The following KATNIP variants were observed in gnomAD, a reference collection of about 807,000 sequenced individuals.
KATNIP encodes the protein katanin interacting protein.
In KATNIP, 126 loss-of-function variants were observed where a neutral mutation model predicts 174.0. That is an observed-to-expected ratio of 0.72 (90% CI 0.63 to 0.84). The LOEUF (loss-of-function observed/expected upper bound fraction) is 0.84. Among genes scored for constraint, KATNIP ranks in the 40% least tolerant of loss-of-function variants. KATNIP has a pLI of 0.00. For synonymous variants in KATNIP, 810 were observed against 835.7 expected, an observed-to-expected ratio of 0.97 and a Z score of 0.53; for missense variants, 1,958 against 2,109.7, an observed-to-expected ratio of 0.93 and a Z score of 1.41.
intron 5 of KATNIP, among the ~76,000 whole-genome samples, chr16:27,641,787 A>G (rs1439725093): frequency 6.6e-6 from 1 of 152,190 alleles, no homozygotes; most frequent in East Asian, 1.9e-4. Context: ...TTCCCAGGAG[A>G]TACCAATGCT....
intron 18 of KATNIP, among the ~76,000 whole-genome samples, chr16:27,756,293 T>G (rs866275806): frequency 1.9e-4 from 29 of 152,238 alleles, no homozygotes; most frequent in African/African-American, 6.8e-4. Context: ...TCAATTACTT[T>G]CGAATAGCAG....
At chr16:27,654,223 G>C (rs554335700) in intron 6 of KATNIP, among the ~76,000 whole-genome samples, 2 of 152,108 alleles carry the variant, frequency 1.3e-5, no homozygotes, top group African/African-American at 2.4e-5. Context: ...TGATCTGCCC[G>C]CCTCAGCCTC....
intron 22 of KATNIP, among the ~76,000 whole-genome samples, chr16:27,772,553 G>A (rs1459632873): frequency 6.6e-6 from 1 of 152,244 alleles, no homozygotes; most frequent in Non-Finnish European, 1.5e-5. Flanking sequence ...GACTTCAGCA[G>A]CAATGGTGGT....
In KATNIP at chr16:27,740,041, G is replaced by A. The variant is rs1405422932; in HGVS notation, c.1744G>A (p.Asp582Asn). The change falls in exon 15 of 28, where the codon GAT (aspartate) becomes AAT (asparagine). Residue 582 changes from aspartate to asparagine, a missense_variant and splice_region_variant. By Grantham distance (23) the Asp-to-Asn change is conservative. Around this residue, in one of 3 missense-constraint regions of KATNIP, gnomAD observed 1,557 missense variants for 1,617.8 expected, o/e 0.96. Coordinates refer to ENST00000261588, the MANE Select transcript of KATNIP (RefSeq NM_015202.5). ...ACTTTGTTAAATCTTATGGTTTCAG[G>A]ATCTTGACATTGGTGCCAAGAACGT... ...KVRNYWTADG[D>N]LDIGAKNVKL... 1 of 1,609,078 alleles carries A rather than the reference G, an allele frequency of 6.2e-7. No individual in the cohort carries two copies. Among genetic ancestry groups the A allele is most frequent in the East Asian group, 2.2e-5 (1 of 44,776 alleles).
chr16:27,719,845 A>T (rs1343481291), intron 13 of KATNIP, among the ~76,000 whole-genome samples: 1 of 150,372 alleles, frequency 6.7e-6, no homozygotes, highest in Non-Finnish European at 1.5e-5. Flanking sequence ...AATTTTTAAA[A>T]TTTTTTTGTA....
intron 2 of KATNIP, among the ~76,000 whole-genome samples, chr16:27,598,772 T>C (rs1158004992): frequency 2.0e-5 from 3 of 152,112 alleles, no homozygotes; most frequent in Non-Finnish European, 4.4e-5. Flanking sequence ...GAGATATACA[T>C]GCAGGGGTTT....
At chr16:27,682,787 C>A (rs904066321) in intron 8 of KATNIP, among the ~76,000 whole-genome samples, 1 of 152,048 alleles carries the variant, frequency 6.6e-6, no homozygotes, top group Non-Finnish European at 1.5e-5. Context: ...GAGGTGGGCC[C>A]TTTAAGATGT....
intron 5 of KATNIP, among the ~76,000 whole-genome samples, chr16:27,641,507 G>T (rs773678476): frequency 7.2e-5 from 11 of 152,084 alleles, no homozygotes; most frequent in Non-Finnish European, 1.0e-4. Context: ...GGAGGACTCA[G>T]TGCCATGTGA....
At chr16:27,556,572 A>T (rs536179446) in intron 1 of KATNIP, among the ~76,000 whole-genome samples, 1 of 152,330 alleles carries the variant, frequency 6.6e-6, no homozygotes, top group East Asian at 1.9e-4. Flanking sequence ...TCATTTGCTT[A>T]GCAAACTTTC....
intron 18 of KATNIP, chr16:27,757,393 G>A (rs2081776399): frequency 5.3e-6 from 3 of 568,858 alleles, no homozygotes; most frequent in Non-Finnish European, 6.7e-6. Flanking sequence ...GCACAGGGTG[G>A]TTCTCCAGAG....
intron 2 of KATNIP, among the ~76,000 whole-genome samples, chr16:27,616,071 T>C (rs1332895425): frequency 6.6e-6 from 1 of 152,048 alleles, no homozygotes; most frequent in Non-Finnish European, 1.5e-5. Context: ...GGCAACAAAG[T>C]TAAAAAAAAC....
At chr16:27,649,852 A>C (rs775646253) in intron 6 of KATNIP, among the ~76,000 whole-genome samples, 1 of 152,206 alleles carries the variant, frequency 6.6e-6, no homozygotes, top group Non-Finnish European at 1.5e-5. Flanking sequence ...TCTTTCCAGC[A>C]TGACATTTCA....
At chr16:27,674,534 G>C (rs1358137469) in intron 6 of KATNIP, among the ~76,000 whole-genome samples, 11 of 152,130 alleles carry the variant, frequency 7.2e-5, no homozygotes, top group Non-Finnish European at 1.5e-4. Flanking sequence ...ACTCCTCCCT[G>C]ACCTCTGCTT....
intron 3 of KATNIP, chr16:27,628,442 A>G (rs1567226331): frequency 5.5e-6 from 3 of 542,764 alleles, no homozygotes; most frequent in Admixed American, 3.3e-5. Flanking sequence ...AGCTGCAGAA[A>G]CTTCCCTGTA....
chr16:27,684,671 A>G (rs944570241), intron 8 of KATNIP, among the ~76,000 whole-genome samples: 5 of 152,236 alleles, frequency 3.3e-5, no homozygotes, highest in Non-Finnish European at 7.3e-5. Flanking sequence ...AGGTGTTGGC[A>G]AGGGCCATTT....
chr16:27,666,722 G>A (rs899668574), intron 6 of KATNIP, among the ~76,000 whole-genome samples: 9 of 151,332 alleles, frequency 5.9e-5, no homozygotes, highest in African/African-American at 1.7e-4. Flanking sequence ...TCGGGAATGC[G>A]ATTTTTAAAA....
chr16:27,680,469 A>T (rs1407274583), intron 7 of KATNIP, among the ~76,000 whole-genome samples: 2 of 152,172 alleles, frequency 1.3e-5, no homozygotes, highest in Non-Finnish European at 2.9e-5. Flanking sequence ...AGTTCGAGTG[A>T]TACTGGGGCA....
chr16:27,654,854 G>T, intron 6 of KATNIP: 1 of 943,492 alleles, frequency 1.1e-6, no homozygotes, highest in Non-Finnish European at 1.5e-6. Context: ...CACAGGGCGG[G>T]CACGGTGGCT....
chr16:27,645,353 A>T (rs896646637), intron 5 of KATNIP, among the ~76,000 whole-genome samples: 2 of 152,176 alleles, frequency 1.3e-5, no homozygotes, highest in Non-Finnish European at 2.9e-5. Flanking sequence ...GGGCTCAGGG[A>T]GGCTAGATGA....
Sources: gnomAD v4.1 joint callset for allele counts (sites outside exome capture counted in the v4.1 genomes callset) on GRCh38, gnomAD v4.1.1 for gene constraint, gnomAD v4.1.1 regional missense constraint, MANE v1.5 for transcripts, NCBI Gene and HGNC (gene_info 2026-07-23, HGNC 2026-07-21) for gene names.